Variants in USO1 observed in about 807,000 individuals in gnomAD.
The protein encoded by USO1 is general vesicular transport factor p115.
Under a neutral mutation model 124.5 loss-of-function variants are expected in USO1, and 57 were observed. The ratio of observed to expected loss-of-function variants is 0.46; its 90% confidence interval spans 0.37 to 0.57. The LOEUF is 0.57. Ranked by LOEUF, USO1 falls within the 20% of genes least tolerant of loss-of-function variation. USO1 has a pLI of 0.00. For missense variants in USO1, 900 were observed against 1,040.6 expected, an observed-to-expected ratio of 0.86 and a Z score of 1.86; for synonymous variants, 369 against 362.8, an observed-to-expected ratio of 1.02 and a Z score of -0.19.
intron 22 of USO1, 24 bp downstream of exon 22, chr4:75,810,563 T>C (rs772057903): frequency 1.3e-6 from 2 of 1,585,270 alleles, no homozygotes; most frequent in Admixed American, 1.9e-5. Flanking sequence ...GCAACTTTTA[T>C]TTACTGCATA....
At chr4:75,782,618 T>C in intron 8 of USO1, 62 bp from the exon 9 acceptor site, 1 of 1,492,520 alleles carries the variant, frequency 6.7e-7, no homozygotes, top group Non-Finnish European at 8.9e-7. Context: ...TTTAAAAATG[T>C]TTGGGAGTTT....
intron 1 of USO1, among the ~76,000 whole-genome samples, chr4:75,740,169 A>C (rs1720918218): frequency 6.6e-6 from 1 of 152,198 alleles, no homozygotes; most frequent in South Asian, 2.1e-4. Context: ...CCTCATCTCT[A>C]AAAAAATTTT....
chr4:75,751,755 C>T (rs1022355651), intron 1 of USO1, among the ~76,000 whole-genome samples: 1 of 151,540 alleles, frequency 6.6e-6, no homozygotes, highest in East Asian at 2.0e-4. Flanking sequence ...TCACTTGAAC[C>T]CAGGAGGCGG....
chr4:75,726,948 T>C (rs978960445), intron 1 of USO1, among the ~76,000 whole-genome samples: 1 of 152,226 alleles, frequency 6.6e-6, no homozygotes, highest in African/African-American at 2.4e-5. Flanking sequence ...TAATACCCTC[T>C]AAGTAAAATG....
intron 12 of USO1, 123 bp from the exon 13 acceptor site, chr4:75,793,567 A>C: frequency 1.6e-6 from 2 of 1,271,118 alleles, no homozygotes; most frequent in Admixed American, 5.3e-5. Context: ...TCATTAATAC[A>C]TGTTTAATGA....
intron 1 of USO1, among the ~76,000 whole-genome samples, chr4:75,726,671 C>A (rs911550530): frequency 6.6e-6 from 1 of 152,190 alleles, no homozygotes; most frequent in African/African-American, 2.4e-5. Flanking sequence ...TTTTCTGTCT[C>A]TCACTGTAAC....
Position 75,809,033 on chromosome 4 carries a change from A to G in USO1, c.2457A>G (p.Leu819=). 6.3e-7 allele frequency: 1 copy of G among 1,599,336 alleles called. No homozygotes were observed. The highest frequency in any genetic ancestry group is 8.5e-7 in the Non-Finnish European group (1 of 1,173,164). The change falls in exon 21 of 24, where the codon TTA becomes TTG. Residue 819 remains leucine (L), a synonymous_variant. Coordinates refer to ENST00000514213, the MANE Select transcript of USO1 (RefSeq NM_003715.4). ...TKLQTEKQEL[L]QKTEAFAKSV... is the part of the protein sequence containing the mutation. ...TACAGACAGAAAAGCAGGAACTGTT[A>G]CAGAAAACAGAAGCGTTTGTAAGTA...
chr4:75,800,267 T>C (rs984506844), intron 14 of USO1, 84 bp from the exon 15 acceptor site: 144 of 1,430,644 alleles, frequency 1.0e-4, no homozygotes, highest in Non-Finnish European at 1.2e-4. Flanking sequence ...GGAACTCTTA[T>C]GTGAAGTATT....
chr4:75,788,159 A>ATTTTTTTTT (rs1288864858), intron 10 of USO1, among the ~76,000 whole-genome samples: 1 of 94,292 alleles, frequency 1.1e-5, no homozygotes, highest in African/African-American at 3.1e-5. Context: ...ATCTTTATTT[A>ATTTTTTTTT]TTTATTTATT....
chr4:75,800,517 G>GA, intron 15 of USO1, 48 bp downstream of exon 15: 1 of 950,230 alleles, frequency 1.1e-6, no homozygotes, highest in South Asian at 2.0e-5. Flanking sequence ...AGATAATGAT[G>GA]CTTTTTTTTT....
At chr4:75,782,456 A>G (rs1243744033) in intron 8 of USO1, among the ~76,000 whole-genome samples, 2 of 152,224 alleles carry the variant, frequency 1.3e-5, no homozygotes, top group Non-Finnish European at 2.9e-5. Flanking sequence ...ATGAGTTACT[A>G]AGGCGATTGG....
chr4:75,781,023 C>T (rs1407065873), intron 8 of USO1, among the ~76,000 whole-genome samples: 1 of 151,990 alleles, frequency 6.6e-6, no homozygotes, highest in Non-Finnish European at 1.5e-5. Context: ...ATTTCTGTAA[C>T]GCATCTGGGC....
At chr4:75,775,613 G>A (rs1722052311) in intron 8 of USO1, among the ~76,000 whole-genome samples, 1 of 152,148 alleles carries the variant, frequency 6.6e-6, no homozygotes, top group Non-Finnish European at 1.5e-5. Context: ...AACTACTTGA[G>A]TGTGTAATTT....
intron 7 of USO1, among the ~76,000 whole-genome samples, chr4:75,771,347 G>C (rs1721927230): frequency 6.6e-6 from 1 of 152,122 alleles, no homozygotes; most frequent in African/African-American, 2.4e-5. Flanking sequence ...CAATCCTCCT[G>C]TCTTGGCCTC....
intron 17 of USO1, among the ~76,000 whole-genome samples, chr4:75,802,342 C>T (rs1347194756): frequency 6.6e-6 from 1 of 151,878 alleles, no homozygotes; most frequent in African/African-American, 2.4e-5. Flanking sequence ...ATCTTTGGAA[C>T]AGTGAAAAAA....
intron 18 of USO1, chr4:75,804,918 A>G (rs1237892190): frequency 7.1e-6 from 3 of 422,824 alleles, no homozygotes; most frequent in African/African-American, 2.1e-5. Context: ...TCACCAGACC[A>G]TGCAGTTTAG....
chr4:75,808,944 G>A lies in USO1; in HGVS notation c.2377-9G>A. The stretch of plus-strand genomic sequence containing the variant: ...TTAATGTTATGACTCAACTATTTTT[G>A]TCTCTTAGGAACTGGCAACTTTAAA... On this transcript the variant is annotated splice_polypyrimidine_tract_variant and intron_variant, in intron 20 of 23. Coordinates refer to ENST00000514213, the MANE Select transcript of USO1 (RefSeq NM_003715.4). 1 of 1,582,664 alleles carries A rather than the reference G, an allele frequency of 6.3e-7. No homozygotes were observed. Among genetic ancestry groups the A allele is most frequent in the Non-Finnish European group, 8.6e-7 (1 of 1,165,516 alleles).
intron 4 of USO1, among the ~76,000 whole-genome samples, chr4:75,759,862 T>C (rs1484780853): frequency 2.0e-5 from 3 of 150,520 alleles, no homozygotes; most frequent in African/African-American, 7.4e-5. Context: ...TGAGCCAAGA[T>C]TGTGCCACTG....
At chr4:75,808,280 CTG>C (rs1240196014) in intron 20 of USO1, among the ~76,000 whole-genome samples, 3 of 152,162 alleles carry the variant, frequency 2.0e-5, no homozygotes, top group Non-Finnish European at 2.9e-5. Flanking sequence ...CTGCTTTCAT[CTG>C]TGTTTGGTGG....
Sources: allele counts gnomAD v4.1 joint callset (sites outside exome capture counted in the v4.1 genomes callset), GRCh38; gene constraint gnomAD v4.1.1; transcripts MANE v1.5; gene names NCBI Gene and HGNC (gene_info 2026-07-23, HGNC 2026-07-21).